The following INPP5A variants were observed in gnomAD, a reference collection of about 807,000 sequenced individuals.
INPP5A encodes the protein 43 kDa inositol polyphosphate 5-phophatase.
A neutral mutation model predicts 65.2 loss-of-function variants in INPP5A; 14 were observed. That is an observed-to-expected ratio of 0.21 (90% CI 0.14 to 0.34). The LOEUF (loss-of-function observed/expected upper bound fraction) is 0.34. Among genes scored for constraint, INPP5A ranks in the 10% least tolerant of loss-of-function variants. The pLI is 1.00. For missense variants in INPP5A, 431 were observed against 545.6 expected, an observed-to-expected ratio of 0.79 and a Z score of 2.09; for synonymous variants, 207 against 208.3, an observed-to-expected ratio of 0.99 and a Z score of 0.05.
chr10:132,671,242 C>T (rs761939452), intron 4 of INPP5A, among the ~76,000 whole-genome samples: 10 of 152,068 alleles, frequency 6.6e-5, no homozygotes, highest in South Asian at 6.2e-4. Context: ...CCCCTGGAGC[C>T]GTGGCCTCCC....
At chr10:132,614,838 C>T (rs1489709775) in intron 2 of INPP5A, among the ~76,000 whole-genome samples, 1 of 152,260 alleles carries the variant, frequency 6.6e-6, no homozygotes, top group African/African-American at 2.4e-5. Context: ...CTCACCCCTT[C>T]TATCCTACAA....
At chr10:132,718,766 C>G (rs555300309) in intron 8 of INPP5A, among the ~76,000 whole-genome samples, 3,086 of 127,462 alleles carry the variant, frequency 0.024, 101 homozygotes, top group South Asian at 0.056. Context: ...CGACTGTCTT[C>G]AGGGTTCTGT....
At chr10:132,686,365 G>A (rs150021988) in intron 4 of INPP5A, among the ~76,000 whole-genome samples, 2 of 152,360 alleles carry the variant, frequency 1.3e-5, no homozygotes, top group African/African-American at 4.8e-5. Context: ...TTATCAATAC[G>A]TAAAAAGTAT....
intron 11 of INPP5A, among the ~76,000 whole-genome samples, chr10:132,756,628 G>A (rs929079123): frequency 5.9e-5 from 9 of 152,208 alleles, no homozygotes; most frequent in Non-Finnish European, 8.8e-5. Context: ...GATGCGCAGT[G>A]TGTCGTACTT....
chr10:132,726,780 G>T, intron 8 of INPP5A, 41 bp from the exon 9 acceptor site: 1 of 1,482,972 alleles, frequency 6.7e-7, no homozygotes, highest in Non-Finnish European at 9.3e-7. Flanking sequence ...GGGCTGGCCG[G>T]CTTCAGCGCC....
At chr10:132,558,283 G>C (rs529315982) in intron 1 of INPP5A, among the ~76,000 whole-genome samples, 1 of 152,266 alleles carries the variant, frequency 6.6e-6, no homozygotes, top group African/African-American at 2.4e-5. Context: ...CGGCCCACGC[G>C]CTGAGCACGC....
intron 2 of INPP5A, among the ~76,000 whole-genome samples, chr10:132,633,504 TG>T (rs921176029): frequency 6.6e-6 from 1 of 151,844 alleles, no homozygotes; most frequent in Non-Finnish European, 1.5e-5. Context: ...AAGCGTGGAG[TG>T]GGTTCGTACT....
chr10:132,752,651 C>T (rs1216828006), intron 11 of INPP5A, among the ~76,000 whole-genome samples: 2 of 19,206 alleles, frequency 1.0e-4, no homozygotes, highest in Non-Finnish European at 2.0e-4. Context: ...TGGAGGGACA[C>T]GGGGCGTGGA....
intron 1 of INPP5A, among the ~76,000 whole-genome samples, chr10:132,564,409 T>C (rs1207241655): frequency 1.3e-5 from 2 of 152,032 alleles, no homozygotes; most frequent in Admixed American, 6.5e-5. Flanking sequence ...ACCTGCTCAA[T>C]GGGTGAGTGA....
chr10:132,648,371 A>C (rs2072527313), intron 3 of INPP5A, among the ~76,000 whole-genome samples: 1 of 152,260 alleles, frequency 6.6e-6, no homozygotes, highest in African/African-American at 2.4e-5. Flanking sequence ...TTTATGCCTA[A>C]TGTACAGCGT....
rs925537406 is a variant in INPP5A at position 132,545,900 on chromosome 10, G to A, written c.75+7729G>A. Among the ~76,000 whole-genome samples the A allele has an allele frequency of 2.0e-5, 3 of 152,244 alleles. No homozygotes were observed. Among genetic ancestry groups the A allele is most frequent in the Admixed American group, 1.3e-4 (2 of 15,288 alleles). ...TGCCTCAATCGTGGTTGCTGCCTCC[G>A]CTCGGCCTGAGGTGATGAGAGTGTG... On this transcript the variant is annotated intron_variant, in intron 1 of 15. Transcript: ENST00000368594. The surrounding 1 kb of genome is among the most constrained non-coding windows in gnomAD (Gnocchi z 4.6).
intron 2 of INPP5A, among the ~76,000 whole-genome samples, chr10:132,629,025 G>GC (rs1259657737): frequency 6.6e-6 from 1 of 152,222 alleles, no homozygotes; most frequent in African/African-American, 2.4e-5. Context: ...CTGAGCCGTG[G>GC]CCGCACAGAT....
intron 9 of INPP5A, among the ~76,000 whole-genome samples, chr10:132,733,165 G>A (rs1846116374): frequency 6.6e-6 from 1 of 152,130 alleles, no homozygotes; most frequent in Non-Finnish European, 1.5e-5. Context: ...ATGAGTCCAT[G>A]GACTTAGGGC....
At position 132,550,303 on chromosome 10, in the gene INPP5A, G is replaced by T. The variant is rs899633039; in HGVS notation, c.75+12132G>T. 4.6e-5 allele frequency among the ~76,000 whole-genome samples: 7 copies of T among 152,210 alleles called. No individual in the cohort carries two copies. The highest frequency in any genetic ancestry group is 8.8e-5 in the Non-Finnish European group (6 of 68,024). ...GGGATGTAATGAGGCTGCTCGGGGG[G>T]CTGTCTCAGGCCTCTGGCCAGTAGT... On this transcript the variant is annotated intron_variant, in intron 1 of 15. Transcript: ENST00000368594. The surrounding 1 kb of genome is among the most constrained non-coding windows in gnomAD (Gnocchi z 4.2).
At position 132,549,376 on chromosome 10, in the gene INPP5A, T is replaced by G. The variant is rs1384511780; in HGVS notation, c.75+11205T>G. Among the ~76,000 whole-genome samples the G allele has an allele frequency of 1.3e-5, 2 of 152,174 alleles. No homozygotes were observed. The highest frequency in any genetic ancestry group is 2.9e-5 in the Non-Finnish European group (2 of 68,030). The stretch of plus-strand genomic sequence containing the variant: ...AGCTCTTCTGCATCATGCCAGCACT[T>G]GGTGGCATTTGTCTTTTTAATTATG... On this transcript the variant is annotated intron_variant, in intron 1 of 15. Coordinates refer to ENST00000368594, the MANE Select transcript of INPP5A (RefSeq NM_005539.5). The surrounding 1 kb of genome is among the most constrained non-coding windows in gnomAD (Gnocchi z 4.9).
chr10:132,764,882 C>T (rs368752436), intron 11 of INPP5A, among the ~76,000 whole-genome samples: 140 of 96,798 alleles, frequency 1.4e-3, no homozygotes, highest in Middle Eastern at 0.019. Context: ...GGAGGGTGTG[C>T]GTGGTGACAC....
chr10:132,591,368 CCG>C (rs1286660117), intron 1 of INPP5A, among the ~76,000 whole-genome samples: 1 of 152,120 alleles, frequency 6.6e-6, no homozygotes, highest in Non-Finnish European at 1.5e-5. Context: ...GCGGGGCGGG[CCG>C]CTGGCAGGCT....
intron 12 of INPP5A, among the ~76,000 whole-genome samples, chr10:132,773,370 C>T (rs965943717): frequency 3.3e-5 from 5 of 152,148 alleles, no homozygotes; most frequent in Admixed American, 2.0e-4. Flanking sequence ...GTTTTAGCTT[C>T]TGAAAAACAC....
intron 9 of INPP5A, among the ~76,000 whole-genome samples, chr10:132,743,649 C>T (rs201469475): frequency 7.9e-5 from 12 of 152,354 alleles, no homozygotes; most frequent in African/African-American, 2.6e-4. Flanking sequence ...CTCCTCGTCA[C>T]GTGTGGGGAG....
Sources: allele counts gnomAD v4.1 joint callset (sites outside exome capture counted in the v4.1 genomes callset), GRCh38; gene constraint gnomAD v4.1.1; non-coding constraint Gnocchi (gnomAD v3.1); transcripts MANE v1.5; gene names NCBI Gene and HGNC (gene_info 2026-07-23, HGNC 2026-07-21).